Variants in HIVEP3 observed in about 807,000 individuals in gnomAD.
HIVEP3 encodes the protein HIVEP zinc finger 3, also known as transcription factor HIVEP3.
A neutral mutation model predicts 152.8 loss-of-function variants in HIVEP3; 49 were observed. The ratio of observed to expected loss-of-function variants is 0.32; its 90% confidence interval spans 0.26 to 0.41. The LOEUF (loss-of-function observed/expected upper bound fraction) is 0.41. Ranked by LOEUF, HIVEP3 falls within the 10% of genes least tolerant of loss-of-function variation. The probability of loss-of-function intolerance (pLI) is 1.00; values close to 1 mark genes in which losing one functional copy is unlikely to be tolerated. For synonymous variants in HIVEP3, 1,269 were observed against 1,289.0 expected, an observed-to-expected ratio of 0.98 and a Z score of 0.33; for missense variants, 2,790 against 3,103.3, an observed-to-expected ratio of 0.90 and a Z score of 2.40.
At position 41,796,043 on chromosome 1, in the gene HIVEP3, G is replaced by A. The variant is rs369201698; in HGVS notation, c.-800-95048C>T. Among the ~76,000 whole-genome samples the A allele has an allele frequency of 7.7e-4, 117 of 152,182 alleles. 1 individual carries two copies. The highest frequency in any genetic ancestry group is 2.6e-3 in the African/African-American group (110 of 41,520). On this transcript the variant is annotated intron_variant, in intron 1 of 8. Coordinates refer to ENST00000372583, the MANE Select transcript of HIVEP3 (RefSeq NM_024503.5). ...ATTATTGGTTCTAGGCTCTTTCAGC[G>A]GACAGAACTGGAAAATATATGTGTG...
At chr1:41,956,466 C>G (rs1246548471) in intron 1 of HIVEP3, among the ~76,000 whole-genome samples, 1 of 152,216 alleles carries the variant, frequency 6.6e-6, no homozygotes. Context: ...GCACTTTCCA[C>G]CTAGGAATCT....
At chr1:41,999,886 CTT>C (rs371837035) in intron 1 of HIVEP3, among the ~76,000 whole-genome samples, 2 of 144,236 alleles carry the variant, frequency 1.4e-5, no homozygotes. Flanking sequence ...TTGATCCATT[CTT>C]TTTTTTTTTT....
intron 1 of HIVEP3, among the ~76,000 whole-genome samples, chr1:41,760,302 C>T (rs758922085): frequency 1.1e-3 from 168 of 152,330 alleles, no homozygotes; most frequent in Middle Eastern, 3.4e-3. Flanking sequence ...CTAGAAAATG[C>T]TTAGCAATAC....
intron 5 of HIVEP3, among the ~76,000 whole-genome samples, chr1:41,554,462 T>C (rs775746996): frequency 2.6e-5 from 4 of 152,232 alleles, no homozygotes; most frequent in Non-Finnish European, 5.9e-5. Context: ...AAGTTTGTTA[T>C]TACCGACCTT....
chr1:41,616,023 A>C (rs999510290), intron 3 of HIVEP3, among the ~76,000 whole-genome samples: 25 of 152,006 alleles, frequency 1.6e-4, no homozygotes, highest in African/African-American at 5.8e-4. Flanking sequence ...TGGTTTAACC[A>C]AAGGGGAGAA....
At chr1:41,646,263 G>A (rs2123998695) in intron 2 of HIVEP3, among the ~76,000 whole-genome samples, 1 of 152,336 alleles carries the variant, frequency 6.6e-6, no homozygotes, top group Middle Eastern at 3.4e-3. Flanking sequence ...AGGAAGGAGG[G>A]AAGGGTTGGC....
intron 5 of HIVEP3, among the ~76,000 whole-genome samples, chr1:41,545,654 TACCACCCCTGCCACAGC>T (rs1643772066): frequency 8.9e-5 from 2 of 22,556 alleles, no homozygotes; most frequent in Admixed American, 5.7e-4. Context: ...TCACCACCAC[TACCACCCCTGCCACAGC>T]CACCACCACC....
chr1:41,532,350 G>T (rs1252084699), intron 5 of HIVEP3, among the ~76,000 whole-genome samples: 10 of 152,066 alleles, frequency 6.6e-5, no homozygotes, highest in Non-Finnish European at 1.5e-5. Flanking sequence ...GGGAGGACTT[G>T]GGTAGGCACC....
intron 1 of HIVEP3, among the ~76,000 whole-genome samples, chr1:41,880,001 A>T (rs973055053): frequency 1.3e-5 from 2 of 152,126 alleles, no homozygotes; most frequent in Non-Finnish European, 2.9e-5. Flanking sequence ...TAGTGTGCCC[A>T]TTTTACAGAT....
intron 1 of HIVEP3, among the ~76,000 whole-genome samples, chr1:41,785,053 C>T (rs948965178): frequency 2.0e-5 from 3 of 152,270 alleles, no homozygotes; most frequent in African/African-American, 4.8e-5. Flanking sequence ...GCACAAGTCA[C>T]GGAAAATCTT....
At chr1:41,826,472 G>A (rs1393809617) in intron 1 of HIVEP3, among the ~76,000 whole-genome samples, 2 of 152,186 alleles carry the variant, frequency 1.3e-5, no homozygotes, top group Non-Finnish European at 2.9e-5. Context: ...GGAGTGCAAT[G>A]GCACAATCTC....
At position 41,583,619 on chromosome 1, in the gene HIVEP3, A is replaced by G; in HGVS notation, c.1179T>C (p.Tyr393=). 1.2e-6 allele frequency: 2 copies of G among 1,614,096 alleles called. No individual in the cohort carries two copies. Among genetic ancestry groups the G allele is most frequent in the African/African-American group, 1.3e-5 (1 of 75,026 alleles). Residue 393 remains tyrosine (Y), a synonymous_variant, in exon 4 of 9, where the codon TAT becomes TAC. Coordinates refer to ENST00000372583, the MANE Select transcript of HIVEP3 (RefSeq NM_024503.5). The surrounding 1 kb of genome is among the most constrained non-coding windows in gnomAD (Gnocchi z 6.9). ...PGSKGSTESG[Y]FSRSESAEQQ... ...GCTCTGCACTCTCGGAGCGAGAGAA[A>G]TACCCAGACTCAGTACTCCCTTTGC...
At chr1:42,012,317 T>A (rs1360958864) in intron 1 of HIVEP3, among the ~76,000 whole-genome samples, 1 of 152,208 alleles carries the variant, frequency 6.6e-6, no homozygotes, top group Non-Finnish European at 1.5e-5. Context: ...CAAATTCATA[T>A]GTTGAAGCCC....
intron 1 of HIVEP3, among the ~76,000 whole-genome samples, chr1:41,715,922 G>A (rs1393646708): frequency 6.6e-6 from 1 of 152,250 alleles, no homozygotes; most frequent in African/African-American, 2.4e-5. Flanking sequence ...CACAGGGAAT[G>A]AGACACAGTG....
chr1:41,673,647 A>C (rs1416555018), intron 2 of HIVEP3, among the ~76,000 whole-genome samples: 2 of 152,056 alleles, frequency 1.3e-5, no homozygotes, highest in Non-Finnish European at 2.9e-5. Context: ...TTTTCTTTCA[A>C]GATTGTGTTA....
intron 1 of HIVEP3, among the ~76,000 whole-genome samples, chr1:41,711,239 GA>G (rs1235476114): frequency 2.0e-5 from 3 of 152,252 alleles, no homozygotes; most frequent in Admixed American, 1.3e-4. Context: ...ACAGGACCCA[GA>G]AGAACAGGCA....
chr1:41,603,563 T>C (rs77672617), intron 3 of HIVEP3, among the ~76,000 whole-genome samples: 6,197 of 152,166 alleles, frequency 0.041, 156 homozygotes, highest in Middle Eastern at 0.082. Flanking sequence ...TTTCACCATG[T>C]TGGCCAAGCT....
rs1397638118 is a variant in HIVEP3, at chr1:41,584,722, C to T, written c.76G>A (p.Ala26Thr). The change falls in exon 4 of 9, where the codon GCC becomes ACC. Residue 26 changes from alanine (A) to threonine (T), a missense_variant. By Grantham distance (58) the Ala-to-Thr change is moderately conservative. Around this residue, in one of 9 missense-constraint regions of HIVEP3, gnomAD observed 209 missense variants for 237.0 expected, o/e 0.88. Transcript: ENST00000372583. The surrounding 1 kb of genome is among the most constrained non-coding windows in gnomAD (Gnocchi z 5.2). The part of the protein sequence containing the change: ...SPRKRLTKGE[A>T]IQTSVSSSVP... Reference sequence around the variant, plus strand: ...CTGGAAGAAACACTGGTCTGAATGGCCTCTCCTTTGGTCAGCCGCTTCCGG... The same window carrying T: ...CTGGAAGAAACACTGGTCTGAATGGTCTCTCCTTTGGTCAGCCGCTTCCGG... 31 of 1,540,566 alleles carry T rather than the reference C, an allele frequency of 2.0e-5. No homozygotes were observed. The highest frequency in any genetic ancestry group is 1.3e-4 in the South Asian group (10 of 77,472).
intron 1 of HIVEP3, among the ~76,000 whole-genome samples, chr1:41,837,178 T>C (rs2124364191): frequency 6.6e-6 from 1 of 152,322 alleles, no homozygotes; most frequent in South Asian, 2.1e-4. Flanking sequence ...CTGCTAGGAA[T>C]ACTCTTCCCG....
Sources: gnomAD v4.1 joint callset for allele counts (sites outside exome capture counted in the v4.1 genomes callset) on GRCh38, gnomAD v4.1.1 for gene constraint, gnomAD v4.1.1 regional missense constraint, Gnocchi (gnomAD v3.1) non-coding constraint, MANE v1.5 for transcripts, NCBI Gene and HGNC (gene_info 2026-07-23, HGNC 2026-07-21) for gene names.